The following MINPP1 variants were observed in gnomAD, a reference collection of about 807,000 sequenced individuals.
MINPP1 encodes the protein multiple inositol-polyphosphate phosphatase 1.
In MINPP1, 28 loss-of-function variants were observed where a neutral mutation model predicts 46.1. That is an observed-to-expected ratio of 0.61 (90% CI 0.45 to 0.83). The LOEUF (loss-of-function observed/expected upper bound fraction) is 0.83. Among genes scored for constraint, MINPP1 ranks in the 40% least tolerant of loss-of-function variants. The pLI, the probability that MINPP1 is intolerant of heterozygous loss-of-function variation, is 0.00. For missense variants in MINPP1, 603 were observed against 610.0 expected (o/e 0.99, Z 0.12); for synonymous variants, 268 against 249.1 (o/e 1.08, Z -0.72).
intron 4 of MINPP1, among the ~76,000 whole-genome samples, chr10:87,532,259 T>C (rs1227599413): frequency 1.3e-5 from 2 of 152,238 alleles, no homozygotes; most frequent in African/African-American, 2.4e-5. Flanking sequence ...TTATGCCTTG[T>C]GGCTTGAAAG....
chr10:87,523,609 C>T (rs1851534080), intron 4 of MINPP1, among the ~76,000 whole-genome samples: 2 of 151,396 alleles, frequency 1.3e-5, no homozygotes, highest in Admixed American at 1.3e-4. Context: ...CCGCCTGCCT[C>T]GGCCTCCCAA....
intron 1 of MINPP1, among the ~76,000 whole-genome samples, chr10:87,506,378 A>G (rs12783416): frequency 1.3e-5 from 2 of 152,082 alleles, no homozygotes; most frequent in Non-Finnish European, 1.5e-5. Flanking sequence ...AAAATGTTGT[A>G]ATAGTTACAA....
chr10:87,542,069 C>T (rs1489160832), intron 4 of MINPP1, among the ~76,000 whole-genome samples: 1 of 152,184 alleles, frequency 6.6e-6, no homozygotes, highest in African/African-American at 2.4e-5. Flanking sequence ...CCAGCATTAA[C>T]TCAAAAGTCC....
chr10:87,532,475 G>A (rs1054197448), intron 4 of MINPP1, among the ~76,000 whole-genome samples: 1 of 152,218 alleles, frequency 6.6e-6, no homozygotes. Flanking sequence ...ACAGGAAATC[G>A]TTTTGGCCAC....
At position 87,505,659 on chromosome 10, in the gene MINPP1, T is replaced by C. The variant is rs1851236104; in HGVS notation, c.637+107T>C. Reference sequence around the variant, plus strand: ...TTTTCCGATGCCCCCCAGTTCTCTTTCCTCTTTTCCCAAGCCATCATCCCT... The same window carrying C: ...TTTTCCGATGCCCCCCAGTTCTCTTCCCTCTTTTCCCAAGCCATCATCCCT... On this transcript the variant is annotated intron_variant, in intron 1 of 4. Transcript: ENST00000371996. The surrounding 1 kb of genome is among the most constrained non-coding windows in gnomAD (Gnocchi z 4.4). 9.6e-7 allele frequency: 1 copy of C among 1,039,110 alleles called. No homozygotes were observed. Among genetic ancestry groups the C allele is most frequent in the South Asian group, 1.5e-5 (1 of 65,334 alleles). The allele number at this position is 1,039,110 out of a possible 1,614,324, so 64.4% of individuals were successfully genotyped here. A position where few individuals can be genotyped will look rare whatever the true frequency, so the allele number is the denominator to read the frequency against.
At chr10:87,510,909 C>T (rs1851325409) in intron 2 of MINPP1, among the ~76,000 whole-genome samples, 1 of 152,166 alleles carries the variant, frequency 6.6e-6, no homozygotes, top group Non-Finnish European at 1.5e-5. Flanking sequence ...TTTATATCCA[C>T]AGTATATGAG....
chr10:87,523,694 T>G (rs1851535034), intron 4 of MINPP1, among the ~76,000 whole-genome samples: 1 of 152,130 alleles, frequency 6.6e-6, no homozygotes, highest in Non-Finnish European at 1.5e-5. Context: ...TTAAAATTTA[T>G]AATGAAATCA....
intron 1 of MINPP1, 164 bp from the exon 2 acceptor site, chr10:87,508,172 G>A: frequency 6.5e-7 from 1 of 1,543,606 alleles, no homozygotes; most frequent in South Asian, 1.2e-5. Flanking sequence ...TATAAATGGG[G>A]AATAATTTTA....
chr10:87,531,535 A>G (rs186835551), intron 4 of MINPP1, among the ~76,000 whole-genome samples: 1 of 152,296 alleles, frequency 6.6e-6, no homozygotes, highest in East Asian at 1.9e-4. Context: ...CATAGTAGGC[A>G]GTTGCTTGGA....
At chr10:87,526,167 A>T (rs188093596) in intron 4 of MINPP1, among the ~76,000 whole-genome samples, 1 of 152,186 alleles carries the variant, frequency 6.6e-6, no homozygotes, top group Non-Finnish European at 1.5e-5. Context: ...TTTACAGTCC[A>T]ACCAACAGTG....
intron 3 of MINPP1, among the ~76,000 whole-genome samples, chr10:87,517,854 G>T (rs935653702): frequency 6.6e-6 from 1 of 151,718 alleles, no homozygotes; most frequent in South Asian, 2.1e-4. Flanking sequence ...TAGAGACGGG[G>T]TTTTGCCATG....
chr10:87,519,814 GT>G (rs1457680744), intron 3 of MINPP1, among the ~76,000 whole-genome samples: 3 of 152,164 alleles, frequency 2.0e-5, no homozygotes, highest in Non-Finnish European at 2.9e-5. Context: ...TAGTCCCCTA[GT>G]TGTGGTTTTA....
chr10:87,543,309 G>C (rs903155097), intron 4 of MINPP1, among the ~76,000 whole-genome samples: 2 of 152,160 alleles, frequency 1.3e-5, no homozygotes, highest in Non-Finnish European at 1.5e-5. Flanking sequence ...GAAAGAAAAA[G>C]TATTTTCAGG....
At chr10:87,528,940 A>G (rs541280885) in intron 4 of MINPP1, among the ~76,000 whole-genome samples, 2 of 152,304 alleles carry the variant, frequency 1.3e-5, no homozygotes, top group South Asian at 4.1e-4. Flanking sequence ...TTCTTGTTGA[A>G]TTGATCCCTC....
At chr10:87,523,517 A>ATT (rs57091221) in intron 4 of MINPP1, among the ~76,000 whole-genome samples, 1 of 141,018 alleles carries the variant, frequency 7.1e-6, no homozygotes, top group Non-Finnish European at 1.6e-5. Flanking sequence ...CACCCAGCTA[A>ATT]TTTTTTTTTT....
chr10:87,535,601 A>G (rs1224298748), intron 4 of MINPP1, among the ~76,000 whole-genome samples: 1 of 152,156 alleles, frequency 6.6e-6, no homozygotes, highest in East Asian at 1.9e-4. Flanking sequence ...AGAGAAAAAC[A>G]GTATACTTTA....
At chr10:87,519,504 C>CT (rs1358927806) in intron 3 of MINPP1, among the ~76,000 whole-genome samples, 1 of 152,184 alleles carries the variant, frequency 6.6e-6, no homozygotes, top group Non-Finnish European at 1.5e-5. Flanking sequence ...TTTATTCATC[C>CT]TTTTTCCCTC....
intron 4 of MINPP1, among the ~76,000 whole-genome samples, chr10:87,543,223 T>G (rs1328955960): frequency 6.6e-6 from 1 of 152,182 alleles, no homozygotes; most frequent in Non-Finnish European, 1.5e-5. Flanking sequence ...AGAAATGACT[T>G]AAAGTTAGAA....
At chr10:87,517,603 A>T (rs1851430312) in intron 3 of MINPP1, among the ~76,000 whole-genome samples, 1 of 152,222 alleles carries the variant, frequency 6.6e-6, no homozygotes, top group Non-Finnish European at 1.5e-5. Context: ...ACTGTATAAT[A>T]TTCCATTATA....
Sources: gnomAD v4.1 joint callset for allele counts (sites outside exome capture counted in the v4.1 genomes callset) on GRCh38, gnomAD v4.1.1 for gene constraint, Gnocchi (gnomAD v3.1) non-coding constraint, MANE v1.5 for transcripts, NCBI Gene and HGNC (gene_info 2026-07-23, HGNC 2026-07-21) for gene names.